Variants in RASSF2 observed in about 807,000 individuals in gnomAD.
RASSF2 encodes ras association domain-containing protein 2.
Under a neutral mutation model 46.3 loss-of-function variants are expected in RASSF2, and 34 were observed. The observed-to-expected ratio is 0.73, with a 90% CI of 0.56 to 0.98. The LOEUF is 0.98. RASSF2 is among the 50% of genes least tolerant of loss of function. RASSF2 has a pLI of 0.00. For synonymous variants in RASSF2, 158 were observed against 162.5 expected, an observed-to-expected ratio of 0.97 and a Z score of 0.21; for missense variants, 364 against 431.2, an observed-to-expected ratio of 0.84 and a Z score of 1.38.
chr20:4,798,841 C>A (rs1005961148), intron 3 of RASSF2, among the ~76,000 whole-genome samples: 72 of 97,244 alleles, frequency 7.4e-4, no homozygotes, highest in African/African-American at 2.2e-3. Context: ...AACAAACAAA[C>A]AAACAAAAAA....
In RASSF2 at chr20:4,803,983, G is replaced by A. The variant is rs192110479; in HGVS notation, c.-32-2921C>T. Among the ~76,000 whole-genome samples the A allele has an allele frequency of 4.2e-3, 624 of 149,862 alleles. 3 individuals carry two copies. Among genetic ancestry groups the A allele is most frequent in the Non-Finnish European group, 6.4e-3 (428 of 67,396 alleles). ...TGAGGCAGGAGGATAAATTGGGCCC[G>A]GGAGGCCAAGGCTGCAGTGAGCCAC... On this transcript the variant is annotated intron_variant, in intron 2 of 11. Transcript: ENST00000379400.
chr20:4,816,962 T>G (rs1356553353), intron 2 of RASSF2, among the ~76,000 whole-genome samples: 1 of 151,996 alleles, frequency 6.6e-6, no homozygotes, highest in Non-Finnish European at 1.5e-5. Flanking sequence ...AAAATTAGCC[T>G]GGCGTGGTGG....
intron 11 of RASSF2, among the ~76,000 whole-genome samples, chr20:4,785,616 G>C (rs574559037): frequency 3.0e-4 from 46 of 152,300 alleles, no homozygotes; most frequent in African/African-American, 1.1e-3. Context: ...AGGGAGGAAG[G>C]GGGAGAGGAG....
At chr20:4,816,788 GCA>G (rs1190198200) in intron 2 of RASSF2, among the ~76,000 whole-genome samples, 1 of 152,104 alleles carries the variant, frequency 6.6e-6, no homozygotes, top group East Asian at 1.9e-4. Context: ...TGTAAAAATA[GCA>G]CATAGTTTGG....
rs1925759615 is a variant in RASSF2 at position 4,790,315 on chromosome 20, C to T, written c.537+136G>A. ...AAGCCAGCAGGGCTTGCAGCCCACC[C>T]ACAACCCAAAGACTAAACAGCAGCA... On this transcript the variant is annotated intron_variant, in intron 7 of 11. Transcript: ENST00000379400. This position sits in a 1 kb window ranked among gnomAD's most constrained non-coding sequence, Gnocchi z 4.3. The T allele has an allele frequency of 1.8e-6, 2 of 1,083,358 alleles. No individual in the cohort carries two copies. The highest frequency in any genetic ancestry group is 2.5e-6 in the Non-Finnish European group (2 of 816,198). 67.1% of individuals were successfully genotyped at this position (1,083,358 alleles called of 1,614,324 possible).
At chr20:4,799,835 G>A (rs549325031) in intron 3 of RASSF2, among the ~76,000 whole-genome samples, 167 of 152,362 alleles carry the variant, frequency 1.1e-3, no homozygotes, top group African/African-American at 3.9e-3. Context: ...ATCCCAGCTG[G>A]GTGTGGTGGC....
intron 2 of RASSF2, among the ~76,000 whole-genome samples, chr20:4,805,847 C>T (rs2423016): frequency 0.74 from 111,998 of 152,072 alleles, 42,697 homozygotes; most frequent in East Asian, 0.86. Flanking sequence ...GTCCTGGTGA[C>T]GCACAGGCTG....
intron 2 of RASSF2, among the ~76,000 whole-genome samples, chr20:4,820,746 C>A (rs1600029493): frequency 6.6e-6 from 1 of 152,206 alleles, no homozygotes; most frequent in South Asian, 2.1e-4. Context: ...TCCAAGCACA[C>A]TGCTGAGACC....
At chr20:4,789,538 A>G (rs1925677513) in intron 8 of RASSF2, 58 bp downstream of exon 8, 4 of 1,431,586 alleles carry the variant, frequency 2.8e-6, no homozygotes, top group African/African-American at 1.4e-5. Context: ...CAACCACTCT[A>G]GGAGTCCCAA....
intron 2 of RASSF2, among the ~76,000 whole-genome samples, chr20:4,808,369 T>C (rs1927509140): frequency 6.6e-6 from 1 of 152,074 alleles, no homozygotes; most frequent in African/African-American, 2.4e-5. Context: ...AAAGAGGGGC[T>C]TCCCACATCA....
intron 10 of RASSF2, among the ~76,000 whole-genome samples, 190 bp downstream of exon 10, chr20:4,787,443 T>C (rs1925455744): frequency 6.6e-6 from 1 of 152,196 alleles, no homozygotes; most frequent in Non-Finnish European, 1.5e-5. Flanking sequence ...AAATGTTTGC[T>C]GTTGTCAGCT....
At chr20:4,823,215 G>T (rs1353707375) in intron 1 of RASSF2, among the ~76,000 whole-genome samples, 2 of 152,048 alleles carry the variant, frequency 1.3e-5, no homozygotes, top group African/African-American at 2.4e-5. Flanking sequence ...CGAGGTGGGG[G>T]GACGCGGAAA....
chr20:4,797,912 G>T, intron 4 of RASSF2, 98 bp downstream of exon 4: 1 of 1,538,976 alleles, frequency 6.5e-7, no homozygotes, highest in Non-Finnish European at 8.8e-7. Flanking sequence ...AAGCAGGAGA[G>T]GCAGGGTTCT....
rs1408158628 is a variant in RASSF2 at position 4,788,161 on chromosome 20, C to G, written c.691+56G>C. The G allele has an allele frequency of 1.1e-5, 16 of 1,434,608 alleles. No homozygotes were observed. In the East Asian group the frequency reaches 1.1e-4, roughly 10 times the overall value. 88.9% of individuals were successfully genotyped at this position (1,434,608 alleles called of 1,614,324 possible). ...AAAGGAGGCAGAGGTATTTTTTTAACTTGCTATTTTGAGTTAATTAGAAGT... is the reference window on the plus strand; with the variant it reads ...AAAGGAGGCAGAGGTATTTTTTTAAGTTGCTATTTTGAGTTAATTAGAAGT... On this transcript the variant is annotated intron_variant, in intron 9 of 11. Coordinates refer to ENST00000379400, the MANE Select transcript of RASSF2 (RefSeq NM_014737.3).
chr20:4,812,625 G>A lies in RASSF2; in HGVS notation c.-33+9704C>T, dbSNP rs1310581598. ...CCCCAGTTTCTGATTCAGTAATTCT[G>A]GGGTGGGGTCTGAGAAGGTGCAGTT... On this transcript the variant is annotated intron_variant, in intron 2 of 11. Transcript: ENST00000379400. This position sits in a 1 kb window ranked among gnomAD's most constrained non-coding sequence, Gnocchi z 4.0. 6.6e-6 allele frequency among the ~76,000 whole-genome samples: 1 copy of A among 152,220 alleles called. No individual in the cohort carries two copies. The highest frequency in any genetic ancestry group is 6.5e-5 in the Admixed American group (1 of 15,278).
chr20:4,782,768 G>A lies in RASSF2; in HGVS notation c.*1505C>T, dbSNP rs765058262. The A allele has an allele frequency of 5.3e-5, 8 of 152,358 alleles. No individual in the cohort carries two copies. Among genetic ancestry groups the A allele is most frequent in the East Asian group, 1.9e-4 (1 of 5,184 alleles). The allele number at this position is 152,358 out of a possible 1,614,324, so 9.4% of individuals were successfully genotyped here. On this transcript the variant is annotated 3_prime_UTR_variant, in exon 12 of 12. Coordinates refer to ENST00000379400, the MANE Select transcript of RASSF2 (RefSeq NM_014737.3). ...AACTGCCCAGCTCTGCAAACATTCT[G>A]TGGAGAGAAGGTGGAGAAGAGATGG...
intron 3 of RASSF2, among the ~76,000 whole-genome samples, chr20:4,798,891 C>A (rs7273527): frequency 0.33 from 48,615 of 148,490 alleles, 8,168 homozygotes; most frequent in East Asian, 0.43. Flanking sequence ...AGAATGGGTG[C>A]ATAAAGGAAG....
At position 4,790,678 on chromosome 20, in the gene RASSF2, T is replaced by G. The variant is rs1925800723; in HGVS notation, c.377-67A>C. On this transcript the variant is annotated intron_variant, in intron 6 of 11. Coordinates refer to ENST00000379400, the MANE Select transcript of RASSF2 (RefSeq NM_014737.3). This position sits in a 1 kb window ranked among gnomAD's most constrained non-coding sequence, Gnocchi z 4.3. ...GGGACATGGCACATGGTCCCCAATT[T>G]GTGGCCAGTGCGACAGCACCCACTG... is the stretch of plus-strand genomic sequence containing the variant. The G allele has an allele frequency of 1.5e-6, 2 of 1,359,110 alleles. No homozygotes were observed. The highest frequency in any genetic ancestry group is 2.0e-6 in the Non-Finnish European group (2 of 1,017,438). The allele number at this position is 1,359,110 out of a possible 1,614,324, so 84.2% of individuals were successfully genotyped here.
At chr20:4,810,472 G>A (rs548976508) in intron 2 of RASSF2, among the ~76,000 whole-genome samples, 11 of 152,254 alleles carry the variant, frequency 7.2e-5, no homozygotes, top group African/African-American at 2.6e-4. Flanking sequence ...TCCTCCAAAC[G>A]CTCCATGATC....
Sources: gnomAD v4.1 joint callset for allele counts (sites outside exome capture counted in the v4.1 genomes callset) on GRCh38, gnomAD v4.1.1 for gene constraint, Gnocchi (gnomAD v3.1) non-coding constraint, MANE v1.5 for transcripts, NCBI Gene and HGNC (gene_info 2026-07-23, HGNC 2026-07-21) for gene names.